Variants in FXYD7 observed in about 807,000 individuals in gnomAD.
FXYD7 encodes the protein FXYD domain containing ion transport regulator 7.
Under a neutral mutation model 15.3 loss-of-function variants are expected in FXYD7, and 7 were observed. The observed-to-expected ratio is 0.46, with a 90% CI of 0.26 to 0.86. FXYD7 has a LOEUF of 0.86. Among genes scored for constraint, FXYD7 ranks in the 40% least tolerant of loss-of-function variants. FXYD7 has a pLI of 0.16. For missense variants in FXYD7, 78 were observed against 100.6 expected, an observed-to-expected ratio of 0.78 and a Z score of 0.96; for synonymous variants, 39 against 39.3, an observed-to-expected ratio of 0.99 and a Z score of 0.03.
chr19:35,143,440 T>A lies in FXYD7; in HGVS notation c.31+76T>A. 1 of 1,169,050 alleles carries A rather than the reference T, an allele frequency of 8.6e-7. No homozygotes were observed. Among genetic ancestry groups the A allele is most frequent in the Non-Finnish European group, 1.2e-6 (1 of 857,194 alleles). 72.4% of individuals were successfully genotyped at this position (1,169,050 alleles called of 1,614,324 possible). A position where few individuals can be genotyped will look rare whatever the true frequency, so the allele number is the denominator to read the frequency against. On this transcript the variant is annotated intron_variant, in intron 1 of 5. Transcript: ENST00000270310. The surrounding 1 kb of genome is among the most constrained non-coding windows in gnomAD (Gnocchi z 4.3). The stretch of plus-strand genomic sequence containing the variant: ...CCTAGGAGAGAGGGTGTCGGGAGAT[T>A]CAAGCAATGGTAAGGCAAGGGAGTT...
At chr19:35,147,013 C>T (rs2065290997) in intron 1 of FXYD7, among the ~76,000 whole-genome samples, 1 of 152,160 alleles carries the variant, frequency 6.6e-6, no homozygotes, top group African/African-American at 2.4e-5. Context: ...CAAATAGTAC[C>T]AAAAGTCTCA....
chr19:35,147,839 C>T (rs1479458445), intron 1 of FXYD7, among the ~76,000 whole-genome samples: 1 of 151,648 alleles, frequency 6.6e-6, no homozygotes, highest in Non-Finnish European at 1.5e-5. Flanking sequence ...ACTAAAAATA[C>T]AAAAATTAGC....
intron 2 of FXYD7, 128 bp from the exon 3 acceptor site, chr19:35,151,126 G>C (rs2065308126): frequency 1.3e-6 from 1 of 752,586 alleles, no homozygotes; most frequent in African/African-American, 1.7e-5. Flanking sequence ...CTGAAGGAGT[G>C]TCCAGCACAG....
At position 35,154,218 on chromosome 19, in the gene FXYD7, T is replaced by G; in HGVS notation, c.*302T>G. ...CGTGTATGGCCCCCCTGCACCTCCTTGTCTCATCCCCGAAGATCCGTCCCC... is the reference window on the plus strand; with the variant it reads ...CGTGTATGGCCCCCCTGCACCTCCTGGTCTCATCCCCGAAGATCCGTCCCC... On this transcript the variant is annotated 3_prime_UTR_variant, in exon 6 of 6. Transcript: ENST00000270310. The G allele has an allele frequency of 2.0e-6, 1 of 504,778 alleles. No individual in the cohort carries two copies. 31.3% of individuals were successfully genotyped at this position (504,778 alleles called of 1,614,324 possible).
Position 35,143,537 on chromosome 19 carries a change from C to T in FXYD7, c.31+173C>T, listed in dbSNP as rs1361880238. Among the ~76,000 whole-genome samples, 1 of 152,256 alleles carries T rather than the reference C, an allele frequency of 6.6e-6. No individual in the cohort carries two copies. The highest frequency in any genetic ancestry group is 1.5e-5 in the Non-Finnish European group (1 of 68,048). ...CGCCCCCCCGATCGCCCCTCCGGGT[C>T]TCTGGGACACCCCCTCCCCGGCAGG... On this transcript the variant is annotated intron_variant, in intron 1 of 5. Coordinates refer to ENST00000270310, the MANE Select transcript of FXYD7 (RefSeq NM_022006.2). The surrounding 1 kb of genome is among the most constrained non-coding windows in gnomAD (Gnocchi z 4.3).
chr19:35,153,787 C>A, intron 5 of FXYD7, 107 bp from the exon 6 acceptor site: 1 of 1,005,308 alleles, frequency 9.9e-7, no homozygotes, highest in Non-Finnish European at 1.6e-6. Context: ...GGGTGACAGT[C>A]CCTGGGGTCT....
At position 35,151,340 on chromosome 19, in the gene FXYD7, C is replaced by A; in HGVS notation, c.136+12C>A. On this transcript the variant is annotated intron_variant, in intron 3 of 5. Coordinates refer to ENST00000270310, the MANE Select transcript of FXYD7 (RefSeq NM_022006.2). ...CCTCATCGTCATCAGTAAGTGCGACCCATTCCTGGGCTGCCTCAGCCTCCG... is the reference window on the plus strand; with the variant it reads ...CCTCATCGTCATCAGTAAGTGCGACACATTCCTGGGCTGCCTCAGCCTCCG... 1.9e-6 allele frequency: 3 copies of A among 1,601,362 alleles called. No individual in the cohort carries two copies. Among genetic ancestry groups the A allele is most frequent in the Non-Finnish European group, 2.6e-6 (3 of 1,168,306 alleles).
Position 35,154,225 on chromosome 19 carries a change from T to G in FXYD7, c.*309T>G. 2.0e-6 allele frequency: 1 copy of G among 487,958 alleles called. No homozygotes were observed. The highest frequency in any genetic ancestry group is 3.6e-6 in the Non-Finnish European group (1 of 275,982). 30.2% of individuals were successfully genotyped at this position (487,958 alleles called of 1,614,324 possible). ...GGCCCCCCTGCACCTCCTTGTCTCA[T>G]CCCCGAAGATCCGTCCCCCTGGCCC... On this transcript the variant is annotated 3_prime_UTR_variant, in exon 6 of 6. Transcript: ENST00000270310.
rs115599626 is a variant in FXYD7, at chr19:35,149,311, A to G, written c.61+588A>G. 1.2e-3 allele frequency: 410 copies of G among 333,204 alleles called. 1 individual carries two copies. Among genetic ancestry groups the G allele is most frequent in the African/African-American group, 8.3e-3 (387 of 46,436 alleles). 20.6% of individuals were successfully genotyped at this position (333,204 alleles called of 1,614,324 possible). A position where few individuals can be genotyped will look rare whatever the true frequency, so the allele number is the denominator to read the frequency against. ...ATTCATACTTTTTCCCTAGGTGTCA[A>G]TTTCTCTCCCATCTCAGGACCTTTG... On this transcript the variant is annotated intron_variant, in intron 2 of 5. Transcript: ENST00000270310.
intron 2 of FXYD7, chr19:35,149,139 T>G (rs1262551958): frequency 1.4e-5 from 6 of 434,526 alleles, no homozygotes; most frequent in Non-Finnish European, 2.8e-5. Context: ...TTCCCACCTA[T>G]GAGGACTGTG....
At chr19:35,152,671 G>A (rs1364135396) in intron 5 of FXYD7, among the ~76,000 whole-genome samples, 1 of 151,804 alleles carries the variant, frequency 6.6e-6, no homozygotes, top group Non-Finnish European at 1.5e-5. Context: ...AATGTGGGAA[G>A]GAGGAGCCCA....
At chr19:35,152,598 A>G (rs1445109215) in intron 5 of FXYD7, among the ~76,000 whole-genome samples, 1 of 151,800 alleles carries the variant, frequency 6.6e-6, no homozygotes, top group Non-Finnish European at 1.5e-5. Flanking sequence ...GAATGTGAGG[A>G]TGGAGAAGAA....
chr19:35,148,835 C>T, intron 2 of FXYD7, 112 bp downstream of exon 2: 1 of 930,134 alleles, frequency 1.1e-6, no homozygotes, highest in Non-Finnish European at 1.8e-6. Flanking sequence ...GGGCCACTGG[C>T]CACGGGACCA....
chr19:35,148,543 T>C (rs1490347677), intron 1 of FXYD7, 151 bp from the exon 2 acceptor site: 1 of 632,992 alleles, frequency 1.6e-6, no homozygotes, highest in Non-Finnish European at 2.6e-6. Flanking sequence ...CGGCCTGCCA[T>C]GAGGCCACAT....
At chr19:35,148,197 G>T (rs888577637) in intron 1 of FXYD7, among the ~76,000 whole-genome samples, 2 of 152,212 alleles carry the variant, frequency 1.3e-5, no homozygotes, top group Non-Finnish European at 2.9e-5. Flanking sequence ...ACTGGATGGA[G>T]TATCAGGAGT....
Position 35,143,419 on chromosome 19 carries a change from G to T in FXYD7, c.31+55G>T. ...GGGGGCTCCGGGATCTGAGAGCCTA[G>T]GAGAGAGGGTGTCGGGAGATTCAAG... On this transcript the variant is annotated intron_variant, in intron 1 of 5. Coordinates refer to ENST00000270310, the MANE Select transcript of FXYD7 (RefSeq NM_022006.2). This position sits in a 1 kb window ranked among gnomAD's most constrained non-coding sequence, Gnocchi z 4.3. The T allele has an allele frequency of 7.6e-7, 1 of 1,319,424 alleles. No individual in the cohort carries two copies. Among genetic ancestry groups the T allele is most frequent in the Admixed American group, 3.1e-5 (1 of 32,468 alleles). The allele number at this position is 1,319,424 out of a possible 1,614,324, so 81.7% of individuals were successfully genotyped here. A position where few individuals can be genotyped will look rare whatever the true frequency, so the allele number is the denominator to read the frequency against.
At chr19:35,144,517 G>A (rs1041467397) in intron 1 of FXYD7, among the ~76,000 whole-genome samples, 9 of 152,152 alleles carry the variant, frequency 5.9e-5, no homozygotes, top group Non-Finnish European at 1.0e-4. Flanking sequence ...GGGGACCAGG[G>A]GTGCTGAGAA....
At chr19:35,151,948 G>T (rs867727935) in intron 5 of FXYD7, among the ~76,000 whole-genome samples, 1 of 151,790 alleles carries the variant, frequency 6.6e-6, no homozygotes, top group African/African-American at 2.4e-5. Flanking sequence ...AGATCAGCCC[G>T]GCCAACATGG....
At chr19:35,152,170 T>G (rs1464739352) in intron 5 of FXYD7, among the ~76,000 whole-genome samples, 721 of 70,290 alleles carry the variant, frequency 0.01, no homozygotes, top group Middle Eastern at 0.021. Flanking sequence ...AAGGAAGAAA[T>G]GAAGGAAGGA....
Sources: gnomAD v4.1 joint callset for allele counts (sites outside exome capture counted in the v4.1 genomes callset) on GRCh38, gnomAD v4.1.1 for gene constraint, Gnocchi (gnomAD v3.1) non-coding constraint, MANE v1.5 for transcripts, NCBI Gene and HGNC (gene_info 2026-07-23, HGNC 2026-07-21) for gene names.